Variants in ITPR2 observed in about 807,000 individuals in gnomAD.
ITPR2 encodes the protein inositol 1,4,5-trisphosphate-gated calcium channel ITPR2.
A neutral mutation model predicts 317.1 loss-of-function variants in ITPR2; 207 were observed. The observed-to-expected ratio is 0.65, with a 90% CI of 0.58 to 0.73. The LOEUF (loss-of-function observed/expected upper bound fraction) is 0.73. Among genes scored for constraint, ITPR2 ranks in the 30% least tolerant of loss-of-function variants. ITPR2 has a pLI of 0.00. For synonymous variants in ITPR2, 1,156 were observed against 1,149.1 expected, an observed-to-expected ratio of 1.01 and a Z score of -0.12; for missense variants, 2,613 against 3,284.0, an observed-to-expected ratio of 0.80 and a Z score of 4.99.
intron 1 of ITPR2, among the ~76,000 whole-genome samples, chr12:26,807,228 C>G (rs772353056): frequency 1.3e-5 from 2 of 152,000 alleles, no homozygotes; most frequent in East Asian, 3.9e-4. Flanking sequence ...ATTCATTGTT[C>G]GAAAATCCAT....
chr12:26,370,090 T>C lies in ITPR2; in HGVS notation c.7857+17344A>G, dbSNP rs148476946. Reference sequence around the variant, plus strand: ...TTGGCTGTTGCTGATCTGTGTCCTTTATAATAAAACTGTAATGGCAAGTAC... The same window carrying C: ...TTGGCTGTTGCTGATCTGTGTCCTTCATAATAAAACTGTAATGGCAAGTAC... On this transcript the variant is annotated intron_variant, in intron 55 of 56. Coordinates refer to ENST00000381340, the MANE Select transcript of ITPR2 (RefSeq NM_002223.4). Among the ~76,000 whole-genome samples, 567 of 152,274 alleles carry C rather than the reference T, an allele frequency of 3.7e-3. 6 individuals are homozygous for C. The highest frequency in any genetic ancestry group is 5.8e-3 in the Admixed American group (89 of 15,300).
chr12:26,585,779 G>A (rs1283998011), intron 32 of ITPR2, among the ~76,000 whole-genome samples: 1 of 152,138 alleles, frequency 6.6e-6, no homozygotes, highest in Admixed American at 6.5e-5. Flanking sequence ...AGAAAAGTAT[G>A]AAGGGTTTTT....
At chr12:26,753,630 C>A (rs1485224645) in intron 2 of ITPR2, among the ~76,000 whole-genome samples, 1 of 152,206 alleles carries the variant, frequency 6.6e-6, no homozygotes, top group Non-Finnish European at 1.5e-5. Context: ...GTAAAAATCA[C>A]TGTTTATCTT....
intron 32 of ITPR2, among the ~76,000 whole-genome samples, chr12:26,583,815 A>G (rs1225063992): frequency 6.6e-6 from 1 of 152,198 alleles, no homozygotes; most frequent in East Asian, 1.9e-4. Flanking sequence ...ACTCCACAGA[A>G]TGAAATGATT....
chr12:26,467,379 C>T (rs1942195374), intron 45 of ITPR2, among the ~76,000 whole-genome samples: 1 of 152,056 alleles, frequency 6.6e-6, no homozygotes. Flanking sequence ...CTCTCTTTCT[C>T]TTTCTCTCTC....
chr12:26,663,923 AT>A (rs1947561234), intron 14 of ITPR2, 77 bp from the exon 15 acceptor site: 2 of 1,299,428 alleles, frequency 1.5e-6, no homozygotes, highest in African/African-American at 3.0e-5. Context: ...AAATAAGAAC[AT>A]TGATTCAAAA....
rs779889199 is a variant in ITPR2, at chr12:26,621,113, TGAAAC to T, written c.3462+5_3462+9del. On this transcript the variant is annotated splice_donor_5th_base_variant and intron_variant, in intron 26 of 56. Transcript: ENST00000381340. ...ATTGGGAGTATTTCGAAATAGATCT[TGAAAC>T]GAACCTCAATTGGCTCTTCACCACC... is the stretch of plus-strand genomic sequence containing the variant. The T allele has an allele frequency of 1.2e-6, 2 of 1,609,888 alleles. No individual in the cohort carries two copies. Among genetic ancestry groups the T allele is most frequent in the Non-Finnish European group, 1.7e-6 (2 of 1,177,610 alleles).
At chr12:26,375,733 C>G (rs1939318460) in intron 55 of ITPR2, among the ~76,000 whole-genome samples, 1 of 152,196 alleles carries the variant, frequency 6.6e-6, no homozygotes. Flanking sequence ...ATCAAGTATA[C>G]TCCAGCAACT....
intron 53 of ITPR2, among the ~76,000 whole-genome samples, chr12:26,399,699 A>G (rs753914183): frequency 6.6e-6 from 1 of 152,226 alleles, no homozygotes; most frequent in Non-Finnish European, 1.5e-5. Context: ...ATTTTAATAT[A>G]TGAAATCCTG....
At chr12:26,497,310 CA>C (rs773741308) in intron 37 of ITPR2, among the ~76,000 whole-genome samples, 46 of 151,990 alleles carry the variant, frequency 3.0e-4, no homozygotes, top group Non-Finnish European at 5.2e-4. Context: ...CCCGCCACCA[CA>C]CCCAGCTAAT....
At chr12:26,390,853 AT>A (rs1247469045) in intron 54 of ITPR2, among the ~76,000 whole-genome samples, 4 of 152,228 alleles carry the variant, frequency 2.6e-5, no homozygotes, top group Non-Finnish European at 5.9e-5. Context: ...GTTAAAGTAG[AT>A]TTTCCCAGAA....
intron 27 of ITPR2, 51 bp downstream of exon 27, chr12:26,602,566 T>C: frequency 1.3e-6 from 2 of 1,569,376 alleles, no homozygotes; most frequent in Non-Finnish European, 1.7e-6. Context: ...AAGCAAAACT[T>C]ATTTGGCATG....
intron 2 of ITPR2, among the ~76,000 whole-genome samples, chr12:26,753,257 G>A (rs1052862419): frequency 1.3e-5 from 2 of 152,188 alleles, no homozygotes; most frequent in Non-Finnish European, 2.9e-5. Context: ...TCTCAGTAAA[G>A]TCCCTCTTGG....
At chr12:26,611,358 G>A (rs1946262696) in intron 26 of ITPR2, among the ~76,000 whole-genome samples, 1 of 152,124 alleles carries the variant, frequency 6.6e-6, no homozygotes. Flanking sequence ...AAATAATTAT[G>A]AAGTAAAAAC....
intron 55 of ITPR2, among the ~76,000 whole-genome samples, chr12:26,384,921 A>G (rs568036334): frequency 4.6e-4 from 70 of 152,040 alleles, no homozygotes; most frequent in South Asian, 4.6e-3. Context: ...TTCTGTCTTT[A>G]TACTCTTTCC....
intron 2 of ITPR2, among the ~76,000 whole-genome samples, chr12:26,757,199 T>C (rs1470735901): frequency 6.6e-6 from 1 of 151,540 alleles, no homozygotes; most frequent in South Asian, 2.1e-4. Flanking sequence ...GGGGTAGCCA[T>C]TCTTCTATTC....
intron 32 of ITPR2, among the ~76,000 whole-genome samples, chr12:26,593,076 G>A (rs796608561): frequency 1.2e-4 from 19 of 152,274 alleles, no homozygotes; most frequent in African/African-American, 4.6e-4. Flanking sequence ...GATAAACTGA[G>A]CTACTGAGAG....
At chr12:26,590,616 CA>C (rs1159775430) in intron 32 of ITPR2, among the ~76,000 whole-genome samples, 1 of 152,102 alleles carries the variant, frequency 6.6e-6, no homozygotes, top group Non-Finnish European at 1.5e-5. Flanking sequence ...ATACAAAAAT[CA>C]AATCAAAATG....
chr12:26,786,471 T>C (rs769723796), intron 2 of ITPR2, among the ~76,000 whole-genome samples: 2 of 112,090 alleles, frequency 1.8e-5, no homozygotes, highest in Non-Finnish European at 3.6e-5. Flanking sequence ...AAAAAAAAAA[T>C]GGAGAATATT....
Sources: gnomAD v4.1 joint callset for allele counts (sites outside exome capture counted in the v4.1 genomes callset) on GRCh38, gnomAD v4.1.1 for gene constraint, MANE v1.5 for transcripts, NCBI Gene and HGNC (gene_info 2026-07-23, HGNC 2026-07-21) for gene names.